The following ROBO2 variants were observed in gnomAD, a reference collection of about 807,000 sequenced individuals.
ROBO2 encodes the protein roundabout homolog 2.
ROBO2 carries 53 observed loss-of-function variants against 160.8 expected under a neutral mutation model. The ratio of observed to expected loss-of-function variants is 0.33; its 90% CI spans 0.26 to 0.41. The LOEUF is 0.41. Among genes scored for constraint, ROBO2 ranks in the 10% least tolerant of loss-of-function variants. ROBO2 has a pLI of 1.00. For synonymous variants in ROBO2, 664 were observed against 611.7 expected, an observed-to-expected ratio of 1.09 and a Z score of -1.26; for missense variants, 1,577 against 1,722.4, an observed-to-expected ratio of 0.92 and a Z score of 1.49.
intron 2 of ROBO2, among the ~76,000 whole-genome samples, chr3:76,906,664 A>G (rs2075627519): frequency 6.6e-6 from 1 of 152,108 alleles, no homozygotes; most frequent in Non-Finnish European, 1.5e-5. Context: ...TAACCTGCTC[A>G]GGACACAGAA....
chr3:77,515,512 T>C lies in ROBO2; in HGVS notation c.807-7263T>C, dbSNP rs140200620. Among the ~76,000 whole-genome samples the C allele has an allele frequency of 6.4e-4, 97 of 151,866 alleles. 1 individual carries two copies. The East Asian group carries it at 0.018, about 28-fold the overall frequency. On this transcript the variant is annotated intron_variant, in intron 5 of 25. Transcript: ENST00000461745. Reference sequence around the variant, plus strand: ...AACTACAAATTTATACAATCTAAGATAAACTTCAGTACCCAGACCATGAGA... The same window carrying C: ...AACTACAAATTTATACAATCTAAGACAAACTTCAGTACCCAGACCATGAGA...
At chr3:76,969,778 G>A (rs940032935) in intron 2 of ROBO2, among the ~76,000 whole-genome samples, 3 of 152,012 alleles carry the variant, frequency 2.0e-5, no homozygotes, top group African/African-American at 7.2e-5. Context: ...CTTAAGCTGT[G>A]ATAAAACCAA....
chr3:77,610,304 A>G (rs1437262683), intron 21 of ROBO2, among the ~76,000 whole-genome samples: 1 of 152,146 alleles, frequency 6.6e-6, no homozygotes, highest in African/African-American at 2.4e-5. Flanking sequence ...ACAAAATATA[A>G]AAACTTCAGA....
chr3:77,405,604 G>A (rs932676793), intron 2 of ROBO2, among the ~76,000 whole-genome samples: 9 of 151,608 alleles, frequency 5.9e-5, no homozygotes, highest in Admixed American at 4.6e-4. Flanking sequence ...ATAAATATTA[G>A]CTATAAATAT....
intron 1 of ROBO2, among the ~76,000 whole-genome samples, chr3:77,085,584 T>A (rs2149972040): frequency 6.6e-6 from 1 of 152,142 alleles, no homozygotes; most frequent in East Asian, 1.9e-4. Flanking sequence ...TAAGCCCGAG[T>A]TGTATTTGGA....
chr3:77,402,550 A>T (rs1475194127), intron 2 of ROBO2, among the ~76,000 whole-genome samples: 1 of 152,186 alleles, frequency 6.6e-6, no homozygotes, highest in African/African-American at 2.4e-5. Context: ...TGAATATCTC[A>T]GGAGTTGGGT....
chr3:77,473,440 CTTTTTTTTTTTTTTTTTTTTTTTTTT>C (rs71104688), intron 2 of ROBO2, among the ~76,000 whole-genome samples: 1 of 77,922 alleles, frequency 1.3e-5, no homozygotes, highest in African/African-American at 4.7e-5. Flanking sequence ...ACAAACTGCT[CTTTTTTTTTTTTTTTTTTTTTTTTTT>C]TTTTTTTTTT....
intron 2 of ROBO2, among the ~76,000 whole-genome samples, chr3:76,652,011 A>G (rs751989288): frequency 1.3e-5 from 2 of 152,176 alleles, no homozygotes; most frequent in Non-Finnish European, 2.9e-5. Flanking sequence ...TCCCTGCAGG[A>G]TATCTTACAG....
At chr3:77,082,967 T>C (rs2149946485) in intron 1 of ROBO2, among the ~76,000 whole-genome samples, 1 of 152,198 alleles carries the variant, frequency 6.6e-6, no homozygotes, top group African/African-American at 2.4e-5. Context: ...TCCATCATCA[T>C]TTCGGGATTC....
At chr3:77,416,397 C>A (rs1184876551) in intron 2 of ROBO2, among the ~76,000 whole-genome samples, 1 of 152,090 alleles carries the variant, frequency 6.6e-6, no homozygotes, top group Non-Finnish European at 1.5e-5. Flanking sequence ...TGGATTTCAC[C>A]AGAGACCTGT....
At chr3:77,562,115 A>C (rs2093340519) in intron 9 of ROBO2, among the ~76,000 whole-genome samples, 1 of 152,122 alleles carries the variant, frequency 6.6e-6, no homozygotes, top group Non-Finnish European at 1.5e-5. Context: ...GGGTAAAAAA[A>C]AAGTTCTTTT....
intron 2 of ROBO2, among the ~76,000 whole-genome samples, chr3:77,005,367 C>A (rs1384389457): frequency 6.6e-6 from 1 of 152,066 alleles, no homozygotes; most frequent in African/African-American, 2.4e-5. Context: ...CTATTAATTG[C>A]CAATAATGGA....
intron 2 of ROBO2, among the ~76,000 whole-genome samples, chr3:75,971,861 TA>T (rs2107365271): frequency 6.6e-6 from 1 of 151,664 alleles, no homozygotes; most frequent in African/African-American, 2.4e-5. Flanking sequence ...CCTCTTCCAT[TA>T]ATTAGAAAAC....
At chr3:75,964,856 C>T (rs761287096) in intron 2 of ROBO2, 2 of 151,676 alleles carry the variant, frequency 1.3e-5, no homozygotes, top group Non-Finnish European at 3.0e-5. Flanking sequence ...ATTTTGCCAC[C>T]ATTTATGCAT....
intron 2 of ROBO2, among the ~76,000 whole-genome samples, chr3:76,308,376 C>CAAAAAAA (rs71277580): frequency 7.0e-5 from 6 of 85,386 alleles, no homozygotes; most frequent in Non-Finnish European, 1.1e-4. Context: ...GACTCTGTCT[C>CAAAAAAA]AAAAAAAAAA....
Position 76,055,179 on chromosome 3 carries a change from A to G in ROBO2, c.109+117577A>G, listed in dbSNP as rs547486948. On this transcript the variant is annotated intron_variant, in intron 2 of 26. Transcript: ENST00000487694. ...CATGAGACTTATTCAATATCACAAGAACAGCATGGAAAAAACCGCCTCCAT... is the reference window on the plus strand; with the variant it reads ...CATGAGACTTATTCAATATCACAAGGACAGCATGGAAAAAACCGCCTCCAT... Among the ~76,000 whole-genome samples the G allele has an allele frequency of 1.1e-3, 173 of 152,202 alleles. 3 individuals carry two copies. The highest frequency in any genetic ancestry group is 2.5e-3 in the Admixed American group (38 of 15,270).
At chr3:77,162,952 C>T (rs1286825788) in intron 2 of ROBO2, among the ~76,000 whole-genome samples, 2 of 152,018 alleles carry the variant, frequency 1.3e-5, no homozygotes, top group Non-Finnish European at 2.9e-5. Flanking sequence ...GACTCAGCCT[C>T]CCAAGTAGCT....
chr3:77,267,321 CA>C (rs2059190371), intron 2 of ROBO2, among the ~76,000 whole-genome samples: 1 of 152,086 alleles, frequency 6.6e-6, no homozygotes, highest in Non-Finnish European at 1.5e-5. Flanking sequence ...CTGCAAAGTA[CA>C]ATAGTCCAGA....
chr3:77,546,636 C>G (rs1418216257), intron 7 of ROBO2, among the ~76,000 whole-genome samples, 174 bp downstream of exon 8: 1 of 152,086 alleles, frequency 6.6e-6, no homozygotes, highest in Non-Finnish European at 1.5e-5. Context: ...CAATAGCATT[C>G]TTTATTTGCT....
Sources: allele counts gnomAD v4.1 joint callset (sites outside exome capture counted in the v4.1 genomes callset), GRCh38; gene constraint gnomAD v4.1.1; transcripts MANE v1.5; gene names NCBI Gene and HGNC (gene_info 2026-07-23, HGNC 2026-07-21).